Variants in PAK5 observed in about 807,000 individuals in gnomAD.
PAK5 encodes the protein p21 (RAC1) activated kinase 5, also known as serine/threonine-protein kinase PAK 5.
Under a neutral mutation model 65.9 loss-of-function variants are expected in PAK5, and 16 were observed. That is an observed-to-expected ratio of 0.24 (90% CI 0.16 to 0.37). PAK5 has a LOEUF of 0.37. Among genes scored for constraint, PAK5 ranks in the 10% least tolerant of loss-of-function variants. The pLI, the probability that PAK5 is intolerant of heterozygous loss-of-function variation, is 1.00. For synonymous variants in PAK5, 371 were observed against 354.9 expected, an observed-to-expected ratio of 1.05 and a Z score of -0.51; for missense variants, 785 against 903.9, an observed-to-expected ratio of 0.87 and a Z score of 1.69.
At chr20:9,672,705 A>T (rs2047516804) in intron 2 of PAK5, among the ~76,000 whole-genome samples, 1 of 152,158 alleles carries the variant, frequency 6.6e-6, no homozygotes, top group African/African-American at 2.4e-5. Flanking sequence ...TTGAGAACAG[A>T]CTAATACACT....
At chr20:9,653,618 T>C (rs2047228566) in intron 2 of PAK5, among the ~76,000 whole-genome samples, 1 of 152,246 alleles carries the variant, frequency 6.6e-6, no homozygotes, top group South Asian at 2.1e-4. Flanking sequence ...CATCAATTCC[T>C]ATCCATTCTG....
chr20:9,814,858 T>C (rs1334694547), intron 1 of PAK5, among the ~76,000 whole-genome samples: 1 of 152,156 alleles, frequency 6.6e-6, no homozygotes, highest in Non-Finnish European at 1.5e-5. Context: ...TGTCTTAGTC[T>C]GTTTGTGTTG....
At chr20:9,621,261 ACAT>A (rs1332108429) in intron 3 of PAK5, among the ~76,000 whole-genome samples, 1 of 152,170 alleles carries the variant, frequency 6.6e-6, no homozygotes, top group Non-Finnish European at 1.5e-5. Context: ...AAGAGACTTA[ACAT>A]GCAAAATAAG....
At chr20:9,547,252 A>G (rs982972471) in intron 7 of PAK5, among the ~76,000 whole-genome samples, 4 of 152,156 alleles carry the variant, frequency 2.6e-5, no homozygotes, top group Non-Finnish European at 2.9e-5. Context: ...AGGAATCAAC[A>G]CTACCAAAAT....
At chr20:9,630,192 G>A (rs2046903530) in intron 3 of PAK5, among the ~76,000 whole-genome samples, 1 of 152,142 alleles carries the variant, frequency 6.6e-6, no homozygotes, top group Admixed American at 6.5e-5. Flanking sequence ...AAAAAATTCC[G>A]ATGATCTCTG....
At chr20:9,725,333 T>A (rs2048263488) in intron 1 of PAK5, among the ~76,000 whole-genome samples, 1 of 115,306 alleles carries the variant, frequency 8.7e-6, no homozygotes, top group Admixed American at 8.7e-5. Context: ...AGGTTATTAT[T>A]AAAACAAGAG....
At chr20:9,596,989 A>T (rs1239223827) in intron 3 of PAK5, among the ~76,000 whole-genome samples, 1 of 152,214 alleles carries the variant, frequency 6.6e-6, no homozygotes, top group Non-Finnish European at 1.5e-5. Flanking sequence ...GCATGCTCTT[A>T]GTTGCAAGGT....
intron 3 of PAK5, among the ~76,000 whole-genome samples, chr20:9,634,531 G>C (rs960104843): frequency 4.6e-5 from 7 of 152,178 alleles, no homozygotes; most frequent in Admixed American, 2.6e-4. Flanking sequence ...GGTTGATGTA[G>C]TTTGTTACTT....
At chr20:9,660,187 AAAGGC>A (rs2123328953) in intron 2 of PAK5, among the ~76,000 whole-genome samples, 2 of 152,162 alleles carry the variant, frequency 1.3e-5, no homozygotes, top group South Asian at 4.2e-4. Flanking sequence ...TGAGGGGGAT[AAAGGC>A]AACCAGGGCA....
At chr20:9,685,655 G>A (rs888495047) in intron 2 of PAK5, among the ~76,000 whole-genome samples, 4 of 152,178 alleles carry the variant, frequency 2.6e-5, no homozygotes, top group African/African-American at 7.2e-5. Flanking sequence ...AAGTCACCCA[G>A]TTTGTGGTAC....
intron 2 of PAK5, among the ~76,000 whole-genome samples, chr20:9,703,098 G>A (rs534723809): frequency 2.6e-5 from 4 of 152,200 alleles, no homozygotes; most frequent in Non-Finnish European, 4.4e-5. Context: ...TCTCTGAGCC[G>A]TCAGACCCTT....
chr20:9,819,427 T>G (rs2049394143), intron 1 of PAK5, among the ~76,000 whole-genome samples: 1 of 152,164 alleles, frequency 6.6e-6, no homozygotes, highest in Non-Finnish European at 1.5e-5. Flanking sequence ...AAGATAGATA[T>G]TTTCAAATGC....
In PAK5 at chr20:9,827,871, G is replaced by A. The variant is rs557006792; in HGVS notation, c.-162+10891C>T. Among the ~76,000 whole-genome samples the A allele has an allele frequency of 1.8e-4, 27 of 152,208 alleles. No individual in the cohort carries two copies. In the East Asian group the frequency reaches 4.1e-3, roughly 23 times the overall value. ...TTTAGAGACAGAGTCTTGCTTTGTCGCCCAGGCTGGAGTGCAGTGGCGTGA... is the reference window on the plus strand; with the variant it reads ...TTTAGAGACAGAGTCTTGCTTTGTCACCCAGGCTGGAGTGCAGTGGCGTGA... On this transcript the variant is annotated intron_variant, in intron 1 of 9. Transcript: ENST00000353224.
At chr20:9,703,362 C>T (rs2047963960) in intron 2 of PAK5, among the ~76,000 whole-genome samples, 1 of 152,104 alleles carries the variant, frequency 6.6e-6, no homozygotes, top group African/African-American at 2.4e-5. Flanking sequence ...TATGGTGCAC[C>T]TGAATGCAGT....
At chr20:9,819,526 C>T (rs1600408397) in intron 1 of PAK5, among the ~76,000 whole-genome samples, 4 of 152,126 alleles carry the variant, frequency 2.6e-5, no homozygotes, top group East Asian at 1.9e-4. Context: ...AATTATATTG[C>T]TCAATTTTAC....
At chr20:9,597,668 T>C (rs2046294168) in intron 3 of PAK5, among the ~76,000 whole-genome samples, 1 of 152,216 alleles carries the variant, frequency 6.6e-6, no homozygotes, top group Non-Finnish European at 1.5e-5. Context: ...CTCTGGCCAA[T>C]GGAATACAGC....
At chr20:9,572,115 A>G (rs2045799446) in intron 4 of PAK5, among the ~76,000 whole-genome samples, 1 of 151,604 alleles carries the variant, frequency 6.6e-6, no homozygotes, top group Non-Finnish European at 1.5e-5. Context: ...GGCTTAGAGA[A>G]ATGAGCTAAA....
chr20:9,815,597 T>C (rs182724400), intron 1 of PAK5, among the ~76,000 whole-genome samples: 79 of 152,236 alleles, frequency 5.2e-4, no homozygotes, highest in Admixed American at 4.0e-3. Flanking sequence ...AATGGTCCCG[T>C]CGGTTATAAT....
intron 1 of PAK5, among the ~76,000 whole-genome samples, chr20:9,783,765 T>C (rs926858400): frequency 1.3e-5 from 2 of 152,176 alleles, no homozygotes; most frequent in Non-Finnish European, 2.9e-5. Context: ...CTCAGTAAGT[T>C]AAGAAAGAAG....
Sources: allele counts gnomAD v4.1 joint callset (sites outside exome capture counted in the v4.1 genomes callset), GRCh38; gene constraint gnomAD v4.1.1; transcripts MANE v1.5; gene names NCBI Gene and HGNC (gene_info 2026-07-23, HGNC 2026-07-21).